Variants in MROH1 observed in about 807,000 individuals in gnomAD.
The protein encoded by MROH1 is maestro heat like repeat family member 1.
Under a neutral mutation model 116.5 loss-of-function variants are expected in MROH1, and 117 were observed. The ratio of observed to expected loss-of-function variants is 1.00; its 90% confidence interval spans 0.86 to 1.17. The LOEUF (loss-of-function observed/expected upper bound fraction) is 1.17, where lower values mean the gene tolerates loss of function less well. MROH1 is among the 50% of genes most tolerant of loss of function. MROH1 has a pLI of 0.00. For synonymous variants in MROH1, 921 were observed against 583.9 expected, an observed-to-expected ratio of 1.58 and a Z score of -8.32; for missense variants, 1,873 against 1,338.5, an observed-to-expected ratio of 1.40 and a Z score of -6.23.
rs758273533 is a variant in MROH1, at chr8:144,168,334, A to G, written c.62A>G (p.Asp21Gly). 52 of 1,609,670 alleles carry G rather than the reference A, an allele frequency of 3.2e-5. No homozygotes were observed. The highest frequency in any genetic ancestry group is 3.8e-5 in the Non-Finnish European group (45 of 1,179,482). The change falls in exon 4 of 44, where the codon GAC becomes GGC. Residue 21 changes from aspartate to glycine, a missense_variant. Transcript: ENST00000326134. Reference sequence around the variant, plus strand: ...CTGCTGGACGCCATCACCGATAAGGACCCCCTGGTGCAGGAGCAGGTCTGC... The same window carrying G: ...CTGCTGGACGCCATCACCGATAAGGGCCCCCTGGTGCAGGAGCAGGTCTGC... ...STLLDAITDK[D>G]PLVQEQVCSA...
chr8:144,210,700 CTA>C (rs1212869479), intron 12 of MROH1, among the ~76,000 whole-genome samples: 2 of 147,736 alleles, frequency 1.4e-5, no homozygotes, highest in Non-Finnish European at 3.0e-5. Context: ...CTCTCTCTCT[CTA>C]TCTCTCTATA....
In MROH1 at chr8:144,163,855, G is replaced by T; in HGVS notation, c.22+7G>T. ...ACTGAGTCCTCCATGAAGAGTGAGT[G>T]CATGGGGATTGGGAGTGGCCGGGTG... On this transcript the variant is annotated splice_region_variant and intron_variant, in intron 3 of 43. Coordinates refer to ENST00000326134, the MANE Select transcript of MROH1 (RefSeq NM_032450.3). This position sits in a 1 kb window ranked among gnomAD's most constrained non-coding sequence, Gnocchi z 4.4. The T allele has an allele frequency of 6.2e-7, 1 of 1,613,616 alleles. No individual in the cohort carries two copies. Among genetic ancestry groups the T allele is most frequent in the African/African-American group, 1.3e-5 (1 of 75,032 alleles).
At chr8:144,171,263 G>A (rs1212510031) in intron 4 of MROH1, among the ~76,000 whole-genome samples, 1 of 152,232 alleles carries the variant, frequency 6.6e-6, no homozygotes, top group Non-Finnish European at 1.5e-5. Context: ...CAGGCTTGAT[G>A]AATTGCAGCA....
intron 33 of MROH1, among the ~76,000 whole-genome samples, chr8:144,254,271 C>A (rs1843318239): frequency 6.6e-6 from 1 of 152,234 alleles, no homozygotes; most frequent in Non-Finnish European, 1.5e-5. Flanking sequence ...ATTAGTGTTT[C>A]ATTTCTAAAA....
Position 144,195,581 on chromosome 8 carries a change from A to G in MROH1, c.948+3180A>G, listed in dbSNP as rs147550894. Among the ~76,000 whole-genome samples the G allele has an allele frequency of 4.9e-3, 740 of 150,036 alleles. 4 individuals carry two copies. Among genetic ancestry groups the G allele is most frequent in the African/African-American group, 0.017 (710 of 40,988 alleles). ...GGTCTCCAACTCCTGGCTTCAGGTG[A>G]TCCTCTTGTCTCAGCCTCCCAAAGT... On this transcript the variant is annotated intron_variant, in intron 10 of 43. Transcript: ENST00000326134.
chr8:144,158,472 A>C (rs938844445), intron 1 of MROH1, among the ~76,000 whole-genome samples: 2 of 152,158 alleles, frequency 1.3e-5, no homozygotes, highest in African/African-American at 4.8e-5. Context: ...TTTCCTGCAC[A>C]TTCTCTGTAT....
intron 15 of MROH1, 43 bp downstream of exon 15, chr8:144,238,906 C>T (rs986263467): frequency 9.1e-6 from 7 of 769,746 alleles, no homozygotes; most frequent in Non-Finnish European, 1.7e-5. Flanking sequence ...CAACAGAGCT[C>T]TCCAGGGCAG....
chr8:144,211,952 G>A (rs578114324), intron 12 of MROH1, among the ~76,000 whole-genome samples: 2 of 152,210 alleles, frequency 1.3e-5, no homozygotes, highest in Non-Finnish European at 1.5e-5. Context: ...CCTCTGATAC[G>A]GCCCTGCTGG....
At chr8:144,179,746 G>A (rs367902454) in intron 5 of MROH1, among the ~76,000 whole-genome samples, 160 bp downstream of exon 5, 1 of 135,924 alleles carries the variant, frequency 7.4e-6, no homozygotes, top group South Asian at 2.1e-4. Flanking sequence ...CTGCAGGGGT[G>A]GGGGGTGGTC....
At chr8:144,168,272 C>CTA in intron 3 of MROH1, 23 bp from the exon 4 acceptor site, 8 of 1,572,068 alleles carry the variant, frequency 5.1e-6, no homozygotes, top group South Asian at 1.2e-5. Context: ...CCTGAGCATG[C>CTA]TAACCAGGCT....
intron 1 of MROH1, among the ~76,000 whole-genome samples, chr8:144,157,995 T>C (rs1257434120): frequency 2.2e-5 from 3 of 138,512 alleles, no homozygotes; most frequent in East Asian, 2.1e-4. Flanking sequence ...CTTTCTTTTT[T>C]TTTTTTTTTT....
intron 12 of MROH1, among the ~76,000 whole-genome samples, chr8:144,208,601 G>A (rs540111265): frequency 3.9e-4 from 59 of 152,198 alleles, no homozygotes; most frequent in African/African-American, 1.2e-3. Context: ...GTCACATTCC[G>A]AGGTACAGGG....
intron 14 of MROH1, among the ~76,000 whole-genome samples, chr8:144,234,322 A>G (rs1377565389): frequency 1.3e-5 from 2 of 151,880 alleles, no homozygotes; most frequent in South Asian, 2.1e-4. Flanking sequence ...TTCCATTTTA[A>G]CAATATCAAA....
intron 7 of MROH1, among the ~76,000 whole-genome samples, chr8:144,183,238 C>G (rs560332709): frequency 6.6e-6 from 1 of 151,528 alleles, no homozygotes; most frequent in African/African-American, 2.4e-5. Flanking sequence ...AAAAATTTGC[C>G]AGGTATGGTA....
intron 7 of MROH1, among the ~76,000 whole-genome samples, chr8:144,183,909 A>G (rs182926568): frequency 1.6e-4 from 24 of 152,030 alleles, no homozygotes; most frequent in African/African-American, 5.5e-4. Context: ...GGCCTCCCAA[A>G]GTGCTGGGAT....
At chr8:144,204,777 G>C (rs1832472343) in intron 12 of MROH1, among the ~76,000 whole-genome samples, 1 of 152,138 alleles carries the variant, frequency 6.6e-6, no homozygotes, top group African/African-American at 2.4e-5. Flanking sequence ...CTACTACAGT[G>C]ATTCATTTTG....
intron 1 of MROH1, among the ~76,000 whole-genome samples, chr8:144,155,741 C>G (rs900912188): frequency 2.7e-4 from 40 of 149,320 alleles, no homozygotes; most frequent in African/African-American, 9.8e-4. Context: ...TCAAGTGATT[C>G]TCCTGCCTCA....
intron 7 of MROH1, among the ~76,000 whole-genome samples, chr8:144,185,977 C>A (rs1242036321): frequency 6.6e-6 from 1 of 152,068 alleles, no homozygotes; most frequent in Admixed American, 6.6e-5. Flanking sequence ...GTGCCCAGTG[C>A]AGCCACCTCT....
chr8:144,158,892 C>T (rs535133994), intron 1 of MROH1, among the ~76,000 whole-genome samples: 5 of 152,296 alleles, frequency 3.3e-5, no homozygotes, highest in Admixed American at 2.6e-4. Flanking sequence ...GCGCACGCCA[C>T]CACGCCCAGC....
Sources: allele counts gnomAD v4.1 joint callset (sites outside exome capture counted in the v4.1 genomes callset), GRCh38; gene constraint gnomAD v4.1.1; non-coding constraint Gnocchi (gnomAD v3.1); transcripts MANE v1.5; gene names NCBI Gene and HGNC (gene_info 2026-07-23, HGNC 2026-07-21).